Variants in VAV3 observed in about 807,000 individuals in gnomAD.
The protein encoded by VAV3 is guanine nucleotide exchange factor VAV3.
VAV3 carries 94 observed loss-of-function variants against 131.2 expected under a neutral mutation model. That is an observed-to-expected ratio of 0.72 (90% CI 0.61 to 0.85). The LOEUF (loss-of-function observed/expected upper bound fraction) is 0.85. Among genes scored for constraint, VAV3 ranks in the 40% least tolerant of loss-of-function variants. The pLI is 0.00. For synonymous variants in VAV3, 349 were observed against 342.0 expected (o/e 1.02, Z -0.22); for missense variants, 939 against 1,002.7 (o/e 0.94, Z 0.86).
intron 2 of VAV3, among the ~76,000 whole-genome samples, chr1:107,796,798 A>ATATATAT (rs1553210366): frequency 3.7e-5 from 4 of 107,994 alleles, no homozygotes; most frequent in African/African-American, 1.2e-4. Context: ...TGTAAAAAAA[A>ATATATAT]AAAAAAATAT....
intron 1 of VAV3, among the ~76,000 whole-genome samples, chr1:107,901,497 T>C (rs999751282): frequency 6.6e-6 from 1 of 152,196 alleles, no homozygotes; most frequent in East Asian, 1.9e-4. Context: ...GGTTAACAAC[T>C]AAACATGGTA....
chr1:107,830,744 C>T (rs1260336303), intron 2 of VAV3, among the ~76,000 whole-genome samples: 1 of 152,200 alleles, frequency 6.6e-6, no homozygotes, highest in East Asian at 1.9e-4. Flanking sequence ...GCAATGCTGG[C>T]CCCAGGCAAT....
intron 2 of VAV3, among the ~76,000 whole-genome samples, chr1:107,801,447 G>C (rs1666823846): frequency 6.6e-6 from 1 of 152,106 alleles, no homozygotes; most frequent in Non-Finnish European, 1.5e-5. Context: ...GGCCTGAGAA[G>C]GACTTTATAC....
intron 15 of VAV3, among the ~76,000 whole-genome samples, chr1:107,732,641 G>T (rs1662324626): frequency 6.6e-6 from 1 of 152,200 alleles, no homozygotes; most frequent in Non-Finnish European, 1.5e-5. Context: ...GAGCTGCAAG[G>T]CGGCAGACTG....
chr1:107,761,041 T>A (rs901407367), intron 9 of VAV3, among the ~76,000 whole-genome samples, 162 bp from the exon 10 acceptor site: 2 of 152,114 alleles, frequency 1.3e-5, no homozygotes, highest in African/African-American at 4.8e-5. Flanking sequence ...AAAAAACAAA[T>A]CTTGTAGTAC....
At chr1:107,736,531 T>C (rs7549704) in intron 15 of VAV3, among the ~76,000 whole-genome samples, 11,718 of 152,148 alleles carry the variant, frequency 0.077, 545 homozygotes, top group African/African-American at 0.13. Flanking sequence ...AAAATCAATG[T>C]GCAAAAATCA....
At chr1:107,648,369 G>T (rs1334582858) in intron 19 of VAV3, among the ~76,000 whole-genome samples, 1 of 151,812 alleles carries the variant, frequency 6.6e-6, no homozygotes, top group Non-Finnish European at 1.5e-5. Context: ...TTATTAAAAA[G>T]GTGTTTATAG....
At chr1:107,765,261 A>G (rs1664676226) in intron 8 of VAV3, 86 bp from the exon 9 acceptor site, 4 of 1,061,354 alleles carry the variant, frequency 3.8e-6, no homozygotes, top group Admixed American at 2.0e-5. Flanking sequence ...TCATCTCTTT[A>G]AAACCATTGT....
chr1:107,760,911 G>C, intron 9 of VAV3, 32 bp from the exon 10 acceptor site: 1 of 1,538,536 alleles, frequency 6.5e-7, no homozygotes, highest in Non-Finnish European at 9.0e-7. Context: ...ACTTTGTTAG[G>C]GAGTCATAAA....
intron 1 of VAV3, among the ~76,000 whole-genome samples, chr1:107,914,559 T>C (rs1672522327): frequency 6.6e-6 from 1 of 152,228 alleles, no homozygotes; most frequent in East Asian, 1.9e-4. Flanking sequence ...ATCCGTAACC[T>C]GTCTTGCACA....
chr1:107,607,136 A>C (rs1180661792), intron 22 of VAV3, among the ~76,000 whole-genome samples: 1 of 151,512 alleles, frequency 6.6e-6, no homozygotes, highest in South Asian at 2.1e-4. Flanking sequence ...TTGTATTTTT[A>C]GTAGAGATGG....
intron 1 of VAV3, among the ~76,000 whole-genome samples, chr1:107,954,447 A>G (rs1045687367): frequency 5.9e-5 from 9 of 151,864 alleles, no homozygotes; most frequent in African/African-American, 2.2e-4. Flanking sequence ...TTCCCATTAT[A>G]TACCTGTCAA....
intron 19 of VAV3, among the ~76,000 whole-genome samples, chr1:107,659,063 T>C (rs1295950256): frequency 6.6e-6 from 1 of 152,152 alleles, no homozygotes; most frequent in Admixed American, 6.5e-5. Flanking sequence ...GGTTTTCTTC[T>C]AGGGTTTTTA....
intron 1 of VAV3, among the ~76,000 whole-genome samples, chr1:107,938,459 G>A (rs1332439967): frequency 1.3e-5 from 2 of 152,178 alleles, no homozygotes; most frequent in South Asian, 2.1e-4. Flanking sequence ...CCCAAAGACT[G>A]AAATATCTGT....
At chr1:107,885,672 T>C (rs934025338) in intron 1 of VAV3, among the ~76,000 whole-genome samples, 1 of 152,080 alleles carries the variant, frequency 6.6e-6, no homozygotes, top group African/African-American at 2.4e-5. Flanking sequence ...ACTTACCTGA[T>C]ACAGGTAAGT....
At chr1:107,631,298 A>T (rs1461744710) in intron 20 of VAV3, among the ~76,000 whole-genome samples, 1 of 152,094 alleles carries the variant, frequency 6.6e-6, no homozygotes, top group Non-Finnish European at 1.5e-5. Context: ...TTGTAAACTT[A>T]CTAAAATGCA....
intron 2 of VAV3, among the ~76,000 whole-genome samples, chr1:107,834,544 T>G (rs1046090898): frequency 1.3e-5 from 2 of 151,582 alleles, no homozygotes; most frequent in African/African-American, 4.9e-5. Flanking sequence ...CTGATCAAGC[T>G]CACATGGAAT....
chr1:107,599,526 T>C (rs1044226852), intron 24 of VAV3, among the ~76,000 whole-genome samples: 6 of 152,162 alleles, frequency 3.9e-5, no homozygotes, highest in African/African-American at 1.4e-4. Flanking sequence ...ATAAACAGCA[T>C]TTGGACATGG....
intron 17 of VAV3, among the ~76,000 whole-genome samples, chr1:107,692,348 T>C (rs72977619): frequency 1.3e-5 from 2 of 152,146 alleles, no homozygotes; most frequent in Admixed American, 6.5e-5. Context: ...TACAACCATA[T>C]AATAGATTCC....
Sources: gnomAD v4.1 joint callset for allele counts (sites outside exome capture counted in the v4.1 genomes callset) on GRCh38, gnomAD v4.1.1 for gene constraint, MANE v1.5 for transcripts, NCBI Gene and HGNC (gene_info 2026-07-23, HGNC 2026-07-21) for gene names.